Variants in MCTP2 observed in about 807,000 individuals in gnomAD.
MCTP2 encodes multiple C2 and transmembrane domain containing 2, also known as multiple C2 and transmembrane domain-containing protein 2.
Under a neutral mutation model 111.6 loss-of-function variants are expected in MCTP2, and 132 were observed. That is an observed-to-expected ratio of 1.18 (90% CI 1.03 to 1.37). The LOEUF is 1.37. Ranked by LOEUF, MCTP2 falls within the 40% of genes most tolerant of loss-of-function variation. The pLI is 0.00. For synonymous variants in MCTP2, 395 were observed against 387.7 expected, an observed-to-expected ratio of 1.02 and a Z score of -0.22; for missense variants, 1,183 against 1,067.9, an observed-to-expected ratio of 1.11 and a Z score of -1.50.
At chr15:94,313,476 G>A (rs2076238752) in intron 2 of MCTP2, among the ~76,000 whole-genome samples, 1 of 152,136 alleles carries the variant, frequency 6.6e-6, no homozygotes, top group Non-Finnish European at 1.5e-5. Context: ...GGTGAGGCAG[G>A]CAGATCACGA....
chr15:94,455,142 G>A (rs908129257), intron 19 of MCTP2, among the ~76,000 whole-genome samples: 2 of 152,138 alleles, frequency 1.3e-5, no homozygotes, highest in Admixed American at 6.5e-5. Context: ...TAATTTATGG[G>A]AAGAATCCTT....
chr15:94,272,414 T>C (rs980600454), intron 1 of MCTP2, among the ~76,000 whole-genome samples: 4 of 152,190 alleles, frequency 2.6e-5, no homozygotes, highest in African/African-American at 9.7e-5. Flanking sequence ...GTGTTGCGTC[T>C]GTCTACCTCT....
intron 1 of MCTP2, among the ~76,000 whole-genome samples, chr15:94,245,030 G>A (rs1019779007): frequency 6.8e-6 from 1 of 147,628 alleles, no homozygotes; most frequent in Non-Finnish European, 1.5e-5. Context: ...ATGCACCTAT[G>A]TTTATATACG....
chr15:94,346,400 C>T (rs1040733853), intron 8 of MCTP2, among the ~76,000 whole-genome samples: 1 of 152,114 alleles, frequency 6.6e-6, no homozygotes, highest in Non-Finnish European at 1.5e-5. Context: ...ACGGAGCCAT[C>T]TCAAAAATTC....
In MCTP2 at chr15:94,458,202, A is replaced by G; in HGVS notation, c.2316A>G (p.Gln772=). 6.2e-7 allele frequency: 1 copy of G among 1,612,470 alleles called. No individual in the cohort carries two copies. The highest frequency in any genetic ancestry group is 1.1e-5 in the South Asian group (1 of 91,042). Residue 772 remains glutamine (Q), a synonymous_variant, in exon 20 of 23, where the codon CAA becomes CAG. Coordinates refer to ENST00000357742, the MANE Select transcript of MCTP2 (RefSeq NM_001385001.1). ...YMVQDIVSTV[Q]NVLEEIASFG... is the part of the protein sequence containing the mutation. ...TACAGGATATTGTTTCAACTGTTCA[A>G]AACGTCTTGGAGGAAATAGCTTCTT...
At chr15:94,424,463 G>C (rs2082781250) in intron 17 of MCTP2, among the ~76,000 whole-genome samples, 1 of 152,086 alleles carries the variant, frequency 6.6e-6, no homozygotes, top group Admixed American at 6.6e-5. Context: ...GCAGTTTCTT[G>C]GGCCCCCCTC....
intron 19 of MCTP2, among the ~76,000 whole-genome samples, chr15:94,446,022 G>A (rs1567723303): frequency 6.6e-6 from 1 of 152,188 alleles, no homozygotes; most frequent in Non-Finnish European, 1.5e-5. Context: ...CCAGGACACT[G>A]GGGTCTGTCA....
chr15:94,426,824 A>G (rs141659217), intron 17 of MCTP2, among the ~76,000 whole-genome samples: 3 of 152,304 alleles, frequency 2.0e-5, no homozygotes, highest in Non-Finnish European at 4.4e-5. Flanking sequence ...CTCTGATCCC[A>G]TCAGAGATGG....
chr15:94,473,771 A>G (rs951032956), intron 21 of MCTP2, among the ~76,000 whole-genome samples: 1 of 152,212 alleles, frequency 6.6e-6, no homozygotes, highest in African/African-American at 2.4e-5. Context: ...GAATTTGATA[A>G]ATGAACAGGC....
chr15:94,324,341 T>C (rs2076758577), intron 4 of MCTP2, among the ~76,000 whole-genome samples: 1 of 152,260 alleles, frequency 6.6e-6, no homozygotes, highest in Non-Finnish European at 1.5e-5. Flanking sequence ...TGTGCTTTGC[T>C]GTAATGTTAG....
intron 10 of MCTP2, among the ~76,000 whole-genome samples, chr15:94,367,003 C>T (rs1303106497): frequency 2.0e-5 from 3 of 152,224 alleles, no homozygotes; most frequent in Non-Finnish European, 4.4e-5. Flanking sequence ...TGGGATCAAT[C>T]AACAGCACTT....
At chr15:94,264,834 G>GAA (rs1567298658) in intron 1 of MCTP2, among the ~76,000 whole-genome samples, 1 of 152,140 alleles carries the variant, frequency 6.6e-6, no homozygotes, top group African/African-American at 2.4e-5. Flanking sequence ...TCATGTATGA[G>GAA]AAGATCAAGC....
chr15:94,256,887 A>G (rs2072806521), intron 1 of MCTP2, among the ~76,000 whole-genome samples: 1 of 152,174 alleles, frequency 6.6e-6, no homozygotes, highest in African/African-American at 2.4e-5. Flanking sequence ...TCCTGCGTGG[A>G]ACATATTCCA....
chr15:94,355,904 C>A, intron 8 of MCTP2: 1 of 1,077,468 alleles, frequency 9.3e-7, no homozygotes, highest in Non-Finnish European at 1.1e-6. Flanking sequence ...AGTGCCAAGT[C>A]AAAGTGTTGC....
At chr15:94,313,079 G>C (rs2076219456) in intron 2 of MCTP2, among the ~76,000 whole-genome samples, 1 of 152,146 alleles carries the variant, frequency 6.6e-6, no homozygotes, top group Non-Finnish European at 1.5e-5. Flanking sequence ...TTGGCCCATA[G>C]CAATGAAGTT....
chr15:94,335,192 TGAA>T (rs1054271288), intron 4 of MCTP2, among the ~76,000 whole-genome samples: 1 of 152,214 alleles, frequency 6.6e-6, no homozygotes, highest in African/African-American at 2.4e-5. Context: ...ACCTTGGCTC[TGAA>T]CACTTTACCC....
Position 94,482,316 on chromosome 15 carries a change from G to C in MCTP2, c.*3282G>C, listed in dbSNP as rs530090597. ...GCCCTTTGTAGTACTCCTGATAAAT[G>C]AATAACACCCTGGACTTTCAAATAG... On this transcript the variant is annotated 3_prime_UTR_variant, in exon 23 of 23. Transcript: ENST00000357742. The C allele has an allele frequency of 6.6e-6, 1 of 152,148 alleles. No homozygotes were observed. Among genetic ancestry groups the C allele is most frequent in the Non-Finnish European group, 1.5e-5 (1 of 68,010 alleles). 9.4% of individuals were successfully genotyped at this position (152,148 alleles called of 1,614,324 possible).
chr15:94,380,115 T>A (rs2152451077), intron 12 of MCTP2, among the ~76,000 whole-genome samples: 1 of 152,176 alleles, frequency 6.6e-6, no homozygotes, highest in South Asian at 2.1e-4. Context: ...CGTCTGCATT[T>A]CACTGCTGCC....
chr15:94,298,607 T>C lies in MCTP2; in HGVS notation c.342T>C (p.His114=), dbSNP rs1393711609. The C allele has an allele frequency of 1.1e-5, 17 of 1,613,950 alleles. No individual in the cohort carries two copies. Among genetic ancestry groups the C allele is most frequent in the Non-Finnish European group, 1.4e-5 (17 of 1,179,990 alleles). The change falls in exon 2 of 23, where the codon CAT becomes CAC. Residue 114 remains histidine (H), a synonymous_variant. Transcript: ENST00000357742. ...GCCAGGAAGAAGCCAGTCACCTCCA[T>C]GTGGTGGAAACAGACTCAGAGGAGG... ...DWSQEEASHL[H]VVETDSEEAY... is the part of the protein sequence containing the mutation.
Sources: gnomAD v4.1 joint callset for allele counts (sites outside exome capture counted in the v4.1 genomes callset) on GRCh38, gnomAD v4.1.1 for gene constraint, MANE v1.5 for transcripts, NCBI Gene and HGNC (gene_info 2026-07-23, HGNC 2026-07-21) for gene names.